The following ARHGEF37 variants were observed in gnomAD, a reference collection of about 807,000 sequenced individuals.
The protein encoded by ARHGEF37 is Rho guanine nucleotide exchange factor (GEF) 37.
A neutral mutation model predicts 71.1 loss-of-function variants in ARHGEF37; 55 were observed. That is an observed-to-expected ratio of 0.77 (90% confidence interval 0.62 to 0.97). ARHGEF37 has a LOEUF of 0.97. Among genes scored for constraint, ARHGEF37 ranks in the 50% least tolerant of loss-of-function variants. The pLI is 0.00. For missense variants in ARHGEF37, 765 were observed against 836.8 expected, an observed-to-expected ratio of 0.91 and a Z score of 1.06; for synonymous variants, 327 against 350.6, an observed-to-expected ratio of 0.93 and a Z score of 0.75.
At chr5:149,561,392 C>T (rs1371017004) in intron 1 of ARHGEF37, among the ~76,000 whole-genome samples, 3 of 151,938 alleles carry the variant, frequency 2.0e-5, no homozygotes, top group African/African-American at 4.8e-5. Flanking sequence ...TCTGAAAAGT[C>T]CTTGCATAGA....
chr5:149,615,468 C>A (rs1431390039), intron 4 of ARHGEF37, among the ~76,000 whole-genome samples: 5 of 151,994 alleles, frequency 3.3e-5, no homozygotes, highest in Non-Finnish European at 7.4e-5. Context: ...CTAAAATTAA[C>A]AAGTGTTAAC....
intron 12 of ARHGEF37, 95 bp from the exon 13 acceptor site, chr5:149,631,887 C>A: frequency 7.7e-7 from 1 of 1,300,850 alleles, no homozygotes. Flanking sequence ...GGGACGAGAG[C>A]CAGGTGGATG....
At chr5:149,574,393 A>G (rs1334181649) in intron 1 of ARHGEF37, among the ~76,000 whole-genome samples, 1 of 152,248 alleles carries the variant, frequency 6.6e-6, no homozygotes, top group East Asian at 1.9e-4. Flanking sequence ...CAGAAGCTGG[A>G]GGATATTGTC....
intron 1 of ARHGEF37, among the ~76,000 whole-genome samples, chr5:149,595,084 G>A (rs1397284108): frequency 1.3e-5 from 2 of 152,190 alleles, no homozygotes; most frequent in Non-Finnish European, 2.9e-5. Flanking sequence ...GGACTGGAGC[G>A]AATTAGGTGA....
At position 149,609,638 on chromosome 5, in the gene ARHGEF37, C is replaced by T. The variant is rs201372727; in HGVS notation, c.401C>T (p.Thr134Met). 68 of 1,613,094 alleles carry T rather than the reference C, an allele frequency of 4.2e-5. No individual in the cohort carries two copies. Among genetic ancestry groups the T allele is most frequent in the African/African-American group, 8.0e-5 (6 of 74,884 alleles). Residue 134 changes from threonine to methionine, a missense_variant, in exon 4 of 13, where the codon ACG becomes ATG. By Grantham distance (81) the Thr-to-Met change is moderately conservative. Around this residue, in one of 5 missense-constraint regions of ARHGEF37, gnomAD observed 201 missense variants for 217.5 expected, o/e 0.92. Transcript: ENST00000333677. ...SYDQALLLVD[T>M]YRKEPELQRH... Reference sequence around the variant, plus strand: ...GACCAGGCCTTGCTACTGGTGGACACGTACCGGAAGGAGCCGGAGCTGCAG... The same window carrying T: ...GACCAGGCCTTGCTACTGGTGGACATGTACCGGAAGGAGCCGGAGCTGCAG...
chr5:149,601,534 G>A lies in ARHGEF37; in HGVS notation c.310+303G>A, dbSNP rs116713274. On this transcript the variant is annotated intron_variant, in intron 3 of 12. Coordinates refer to ENST00000333677, the MANE Select transcript of ARHGEF37 (RefSeq NM_001001669.3). ...TCTCTTTCACATTCATTCATCCAAC[G>A]GTTATTTAATGAGCACCTGCAGTGT... Among the ~76,000 whole-genome samples the A allele has an allele frequency of 3.2e-3, 486 of 152,274 alleles. 1 individual carries two copies. Among genetic ancestry groups the A allele is most frequent in the Non-Finnish European group, 5.2e-3 (351 of 68,020 alleles).
chr5:149,590,282 CTTT>C (rs201826189), intron 1 of ARHGEF37, among the ~76,000 whole-genome samples: 3 of 139,060 alleles, frequency 2.2e-5, no homozygotes, highest in African/African-American at 2.7e-5. Flanking sequence ...GATCATTCAA[CTTT>C]TTTTTTTTTT....
rs149180151 is a variant in ARHGEF37 at position 149,555,278 on chromosome 5, C to G, written c.-12+3155C>G. 1.4e-3 allele frequency among the ~76,000 whole-genome samples: 210 copies of G among 151,878 alleles called. 1 individual carries two copies. Among genetic ancestry groups the G allele is most frequent in the African/African-American group, 4.8e-3 (200 of 41,422 alleles). On this transcript the variant is annotated intron_variant, in intron 1 of 2. Transcript: ENST00000505810. ...AGGGAAATACAGAGATCACCTAGTT[C>G]AATAATAATAATTGTATTTTTTAAT... is the stretch of plus-strand genomic sequence containing the variant.
At chr5:149,577,140 T>A (rs1015791257), upstream of ARHGEF37, among the ~76,000 whole-genome samples, 6 of 152,180 alleles carry the variant, frequency 3.9e-5, no homozygotes, top group African/African-American at 1.4e-4. Flanking sequence ...CTATATAATC[T>A]TGGACAACTT....
intron 1 of ARHGEF37, among the ~76,000 whole-genome samples, chr5:149,557,905 G>A (rs1473234554): frequency 2.3e-4 from 32 of 141,254 alleles, no homozygotes; most frequent in Middle Eastern, 3.9e-3. Flanking sequence ...TCACTCTGTC[G>A]CCCAGGCTGG....
intron 1 of ARHGEF37, among the ~76,000 whole-genome samples, chr5:149,558,691 ATGTGTGTGTGTGTGTGTGTGTGTGTG>A (rs58959997): frequency 1.6e-5 from 2 of 127,992 alleles, no homozygotes; most frequent in South Asian, 2.3e-4. Context: ...CCATATATAT[ATGTGTGTGTGTGTGTGTGTGTGTGTG>A]TGTGTGTGTG....
At chr5:149,570,263 G>A (rs1762946407) in intron 1 of ARHGEF37, among the ~76,000 whole-genome samples, 1 of 152,058 alleles carries the variant, frequency 6.6e-6, no homozygotes. Flanking sequence ...CAAACAATTG[G>A]AAAATTAAAA....
At chr5:149,602,256 C>T (rs1274571364) in intron 3 of ARHGEF37, among the ~76,000 whole-genome samples, 1 of 151,966 alleles carries the variant, frequency 6.6e-6, no homozygotes, top group Non-Finnish European at 1.5e-5. Context: ...AGGGTTTCAC[C>T]GTATTGGTCA....
At chr5:149,592,916 C>G (rs1429676141) in intron 1 of ARHGEF37, among the ~76,000 whole-genome samples, 1 of 152,078 alleles carries the variant, frequency 6.6e-6, no homozygotes, top group African/African-American at 2.4e-5. Context: ...ATTACAGGTG[C>G]CCACCACCAC....
chr5:149,632,081 A>C lies in ARHGEF37; in HGVS notation c.1918A>C (p.Asn640His). Reference sequence around the variant, plus strand: ...CCTGGAGGCCCAGGACAAGAAGGGGAACCCTGAGTGGAGCCTGGTGGAAGT... The same window carrying C: ...CCTGGAGGCCCAGGACAAGAAGGGGCACCCTGAGTGGAGCCTGGTGGAAGT... Reference protein sequence around the residue: ...TILEAQDKKGNPEWSLVEVNG... With the variant: ...TILEAQDKKGHPEWSLVEVNG... Residue 640 changes from asparagine to histidine, a missense_variant, in exon 13 of 13, where the codon AAC becomes CAC. Transcript: ENST00000333677. 1 of 1,614,240 alleles carries C rather than the reference A, an allele frequency of 6.2e-7. No individual in the cohort carries two copies. The highest frequency in any genetic ancestry group is 8.5e-7 in the Non-Finnish European group (1 of 1,180,044).
chr5:149,574,363 T>A (rs957739805), intron 1 of ARHGEF37, among the ~76,000 whole-genome samples: 2 of 152,220 alleles, frequency 1.3e-5, no homozygotes, highest in African/African-American at 4.8e-5. Flanking sequence ...TATCTGGTGG[T>A]ATGGGACCAG....
At chr5:149,598,704 C>G (rs1460671928) in intron 2 of ARHGEF37, among the ~76,000 whole-genome samples, 2 of 148,802 alleles carry the variant, frequency 1.3e-5, no homozygotes, top group South Asian at 2.1e-4. Flanking sequence ...TTTTTCTTTA[C>G]TTTTCTAACA....
chr5:149,579,520 C>T (rs1357335236), upstream of ARHGEF37, among the ~76,000 whole-genome samples: 2 of 152,140 alleles, frequency 1.3e-5, no homozygotes, highest in Non-Finnish European at 2.9e-5. Flanking sequence ...TAATAAGCTT[C>T]TCTGCTTGAA....
At position 149,597,736 on chromosome 5, in the gene ARHGEF37, G is replaced by A. The variant is rs769390997; in HGVS notation, c.-11-23G>A. 21 of 1,511,016 alleles carry A rather than the reference G, an allele frequency of 1.4e-5. No homozygotes were observed. The East Asian group carries it at 4.8e-4, about 35-fold the overall frequency. 93.6% of individuals were successfully genotyped at this position (1,511,016 alleles called of 1,614,324 possible). ...CCAATAGTTCTTCCTGGAAGTGAGTGGGGATGCTTTTGCTTTTCCCAGAAC... is the reference window on the plus strand; with the variant it reads ...CCAATAGTTCTTCCTGGAAGTGAGTAGGGATGCTTTTGCTTTTCCCAGAAC... On this transcript the variant is annotated intron_variant, in intron 1 of 12. Transcript: ENST00000333677.
Sources: gnomAD v4.1 joint callset for allele counts (sites outside exome capture counted in the v4.1 genomes callset) on GRCh38, gnomAD v4.1.1 for gene constraint, gnomAD v4.1.1 regional missense constraint, MANE v1.5 for transcripts, NCBI Gene and HGNC (gene_info 2026-07-23, HGNC 2026-07-21) for gene names.